The following TTC6 variants were observed in gnomAD, a reference collection of about 807,000 sequenced individuals.
The protein encoded by TTC6 is tetratricopeptide repeat protein 6.
In TTC6, 172 loss-of-function variants were observed where a neutral mutation model predicts 210.4. The observed-to-expected ratio is 0.82, with a 90% confidence interval of 0.72 to 0.93. The LOEUF (loss-of-function observed/expected upper bound fraction) is 0.93, where lower values mean the gene tolerates loss of function less well. TTC6 is among the 40% of genes least tolerant of loss of function. TTC6 has a pLI of 0.00. For missense variants in TTC6, 2,414 were observed against 2,318.1 expected (o/e 1.04, Z -0.85); for synonymous variants, 804 against 819.6 (o/e 0.98, Z 0.32).
Position 37,823,223 on chromosome 14 carries a change from C to T in TTC6, c.4764-524C>T, listed in dbSNP as rs529296536. On this transcript the variant is annotated intron_variant, in intron 26 of 30. Coordinates refer to ENST00000553443, the Ensembl canonical transcript of TTC6. ...AAGTTGATAAATAAAATGCATTTTA[C>T]TTTTTTCTCTCCCCTCCTCTCCTGG... is the stretch of plus-strand genomic sequence containing the variant. 8.5e-5 allele frequency among the ~76,000 whole-genome samples: 13 copies of T among 152,116 alleles called. No individual in the cohort carries two copies. In the South Asian group the frequency reaches 2.7e-3, roughly 32 times the overall value.
chr14:37,642,622 C>T (rs1175052987), intron 1 of TTC6, among the ~76,000 whole-genome samples: 1 of 152,170 alleles, frequency 6.6e-6, no homozygotes, highest in Admixed American at 6.5e-5. Flanking sequence ...ATATGAGTCC[C>T]TATCTCTTTT....
chr14:37,677,626 G>T (rs1478147524), intron 1 of TTC6, among the ~76,000 whole-genome samples: 1 of 151,844 alleles, frequency 6.6e-6, no homozygotes, highest in Non-Finnish European at 1.5e-5. Flanking sequence ...AAAATTTTTG[G>T]CCATTTGTGT....
intron 1 of TTC6, among the ~76,000 whole-genome samples, chr14:37,657,449 G>A (rs2095726820): frequency 6.6e-6 from 1 of 151,844 alleles, no homozygotes; most frequent in South Asian, 2.1e-4. Context: ...TGTTTGGGAA[G>A]TGAATTCCTG....
intron 14 of TTC6, among the ~76,000 whole-genome samples, chr14:37,782,890 T>G (rs2096058662): frequency 2.0e-5 from 3 of 152,148 alleles, no homozygotes; most frequent in African/African-American, 7.2e-5. Context: ...GATAATCATG[T>G]GGTTTTTGTC....
At chr14:37,800,311 C>G (rs549802239) in intron 20 of TTC6, among the ~76,000 whole-genome samples, 1 of 152,096 alleles carries the variant, frequency 6.6e-6, no homozygotes, top group Admixed American at 6.6e-5. Flanking sequence ...AATTCAGGAG[C>G]CTGGATATAC....
At chr14:37,759,195 G>A (rs1016998983) in intron 14 of TTC6, among the ~76,000 whole-genome samples, 21 of 151,324 alleles carry the variant, frequency 1.4e-4, no homozygotes, top group African/African-American at 5.1e-4. Flanking sequence ...CCTGGGAGGC[G>A]GAGGTTGCAA....
Position 37,701,525 on chromosome 14 carries a change from AG to A in TTC6, c.1571+1del. 2 of 1,439,638 alleles carry A rather than the reference AG, an allele frequency of 1.4e-6. No homozygotes were observed. The highest frequency in any genetic ancestry group is 1.8e-6 in the Non-Finnish European group (2 of 1,102,828). 89.2% of individuals were successfully genotyped at this position (1,439,638 alleles called of 1,614,324 possible). A position where few individuals can be genotyped will look rare whatever the true frequency, so the allele number is the denominator to read the frequency against. On this transcript the variant is annotated frameshift_variant and splice_region_variant, in exon 5 of 31. Coordinates refer to ENST00000553443, the Ensembl canonical transcript of TTC6. LOFTEE classifies it high-confidence loss of function. The stretch of plus-strand genomic sequence containing the variant: ...CTTTACAGATGAAGAACAAACAGAT[AG>A]GTAAGAGTTCCACTGGTAATTTGAT...
At position 37,622,266 on chromosome 14, in the gene TTC6, G is replaced by A. The variant is rs747360208; in HGVS notation, c.202G>A (p.Ala68Thr). The A allele has an allele frequency of 2.0e-6, 3 of 1,534,936 alleles. No individual in the cohort carries two copies. In the South Asian group the frequency reaches 3.6e-5, roughly 18 times the overall value. ...GGCCCGCCCCGCGCGCGTTTCCTGC[G>A]CCGCAGCCCGGACGTCGAGAAGATA... is the stretch of plus-strand genomic sequence containing the variant. The change falls in exon 1 of 31, where the codon GCC (alanine) becomes ACC (threonine). Residue 68 changes from alanine to threonine, a missense_variant. Ala to Thr is a moderately conservative substitution (Grantham distance 58, BLOSUM62 0). Coordinates refer to ENST00000553443, the Ensembl canonical transcript of TTC6.
intron 1 of TTC6, among the ~76,000 whole-genome samples, chr14:37,603,411 C>T (rs1235792626): frequency 1.3e-5 from 2 of 152,170 alleles, no homozygotes; most frequent in Non-Finnish European, 2.9e-5. Context: ...AGAAGGAAAC[C>T]GCTATGGTGG....
chr14:37,727,499 TAGC>T (rs1192249324), intron 7 of TTC6, among the ~76,000 whole-genome samples: 1 of 150,260 alleles, frequency 6.7e-6, no homozygotes, highest in Non-Finnish European at 1.5e-5. Context: ...TTCACTGTTT[TAGC>T]TAGGATGGTC....
intron 14 of TTC6, among the ~76,000 whole-genome samples, chr14:37,769,328 G>C (rs1401884074): frequency 1.3e-5 from 2 of 151,540 alleles, no homozygotes; most frequent in Admixed American, 1.3e-4. Flanking sequence ...AAATGAGTTA[G>C]GGAGGATTCC....
At chr14:37,769,739 C>A (rs560065510) in intron 14 of TTC6, among the ~76,000 whole-genome samples, 1 of 151,092 alleles carries the variant, frequency 6.6e-6, no homozygotes, top group African/African-American at 2.4e-5. Flanking sequence ...TTTGTTGATC[C>A]TTTCAAAAAA....
chr14:37,793,721 G>A (rs886697344), intron 17 of TTC6, among the ~76,000 whole-genome samples: 49 of 152,222 alleles, frequency 3.2e-4, no homozygotes, highest in African/African-American at 1.2e-3. Context: ...TAGCATGATA[G>A]CAAGGTGTAA....
intron 3 of TTC6, among the ~76,000 whole-genome samples, chr14:37,685,084 G>T (rs2095791253): frequency 6.6e-6 from 1 of 152,128 alleles, no homozygotes; most frequent in Non-Finnish European, 1.5e-5. Flanking sequence ...AAGAAAGTTA[G>T]ATAGAAATAA....
chr14:37,645,976 G>A lies in TTC6; in HGVS notation c.939+22973G>A, dbSNP rs546103378. Among the ~76,000 whole-genome samples, 164 of 152,272 alleles carry A rather than the reference G, an allele frequency of 1.1e-3. 2 individuals carry two copies. In the Middle Eastern group the frequency reaches 0.061, roughly 57 times the overall value. On this transcript the variant is annotated intron_variant, in intron 1 of 30. Coordinates refer to ENST00000553443, the Ensembl canonical transcript of TTC6. ...CATACAGGAACAATGACAGTAATAT[G>A]TGGTTAAATCAATTATAAACGACTA...
intron 14 of TTC6, among the ~76,000 whole-genome samples, chr14:37,755,025 C>T (rs1324742697): frequency 6.6e-6 from 1 of 152,194 alleles, no homozygotes; most frequent in Non-Finnish European, 1.5e-5. Flanking sequence ...CTCCCACCAA[C>T]AGTGTAAAAG....
intron 1 of TTC6, among the ~76,000 whole-genome samples, chr14:37,597,627 A>G (rs2095607073): frequency 6.6e-6 from 1 of 152,140 alleles, no homozygotes; most frequent in Non-Finnish European, 1.5e-5. Flanking sequence ...AGGCTTCTTC[A>G]AAGCCCAAGA....
chr14:37,777,081 T>G (rs1017855489), intron 14 of TTC6, among the ~76,000 whole-genome samples: 2 of 152,140 alleles, frequency 1.3e-5, no homozygotes, highest in Non-Finnish European at 2.9e-5. Flanking sequence ...GTCTTGGGGA[T>G]GGTCTTTTTA....
chr14:37,656,162 C>A (rs2095722459), intron 1 of TTC6, among the ~76,000 whole-genome samples: 1 of 152,212 alleles, frequency 6.6e-6, no homozygotes, highest in South Asian at 2.1e-4. Flanking sequence ...CATCTTGAAT[C>A]AAAAATCCAG....
Sources: allele counts gnomAD v4.1 joint callset (sites outside exome capture counted in the v4.1 genomes callset), GRCh38; gene constraint gnomAD v4.1.1; transcripts MANE v1.5; gene names NCBI Gene and HGNC (gene_info 2026-07-23, HGNC 2026-07-21).